Variants in EP400 observed in about 807,000 individuals in gnomAD.
The protein encoded by EP400 is E1A-binding protein p400.
A neutral mutation model predicts 354.1 loss-of-function variants in EP400; 105 were observed. That is an observed-to-expected ratio of 0.30 (90% CI 0.25 to 0.35). The LOEUF is 0.35. Among genes scored for constraint, EP400 ranks in the 10% least tolerant of loss-of-function variants. EP400 has a pLI of 1.00. For synonymous variants in EP400, 1,646 were observed against 1,716.9 expected, an observed-to-expected ratio of 0.96 and a Z score of 1.02; for missense variants, 3,280 against 4,121.0, an observed-to-expected ratio of 0.80 and a Z score of 5.59.
intron 45 of EP400, among the ~76,000 whole-genome samples, chr12:132,061,372 AAC>A (rs1895689014): frequency 6.6e-6 from 1 of 152,260 alleles, no homozygotes. Flanking sequence ...AACATGGAGT[AAC>A]ACGCTAGATT....
intron 12 of EP400, among the ~76,000 whole-genome samples, chr12:132,001,126 C>A (rs954334923): frequency 6.6e-6 from 1 of 152,054 alleles, no homozygotes; most frequent in Non-Finnish European, 1.5e-5. Context: ...AATAAAGACA[C>A]GAGACAAAGA....
intron 7 of EP400, among the ~76,000 whole-genome samples, chr12:131,988,245 G>A (rs1413042342): frequency 6.6e-6 from 1 of 152,186 alleles, no homozygotes; most frequent in Non-Finnish European, 1.5e-5. Context: ...TAACTGTGCT[G>A]TGTAATTAAG....
In EP400 at chr12:132,053,385, C is replaced by T; in HGVS notation, c.7516C>T (p.Gln2506Ter). ...QQKAQQPAVA[Q>*]PPPPQPQPPP... ...GAAGGCACAGCAGCCGGCCGTGGCC[C>T]AGCCACCCCCGCCCCAGCCGCAGCC... The change falls in exon 43 of 53, where the codon CAG becomes TAG. Residue 2506 changes from glutamine to a stop codon, truncating the protein, a stop_gained. Coordinates refer to ENST00000389561, the MANE Select transcript of EP400 (RefSeq NM_015409.5). LOFTEE classifies it high-confidence loss of function. 1 of 1,558,720 alleles carries T rather than the reference C, an allele frequency of 6.4e-7. No homozygotes were observed.
intron 45 of EP400, among the ~76,000 whole-genome samples, chr12:132,060,148 AC>A (rs1895644826): frequency 6.6e-6 from 1 of 152,202 alleles, no homozygotes; most frequent in African/African-American, 2.4e-5. Flanking sequence ...GATTACCAAA[AC>A]TGGGGGAAAC....
At chr12:131,973,312 T>A (rs56253415) in intron 2 of EP400, among the ~76,000 whole-genome samples, 19,095 of 152,152 alleles carry the variant, frequency 0.13, 1,638 homozygotes, top group African/African-American at 0.24. Flanking sequence ...TCACTTTGTG[T>A]TTAGCTAAAA....
At chr12:131,969,778 G>A (rs935965315) in intron 2 of EP400, among the ~76,000 whole-genome samples, 4 of 152,176 alleles carry the variant, frequency 2.6e-5, no homozygotes, top group Non-Finnish European at 4.4e-5. Flanking sequence ...GGTCGGGCAC[G>A]GTGGCTCACG....
In EP400 at chr12:131,982,313, A is replaced by G. The variant is rs553120468; in HGVS notation, c.1764A>G (p.Thr588=). ...AGCCGCAAGTGGTAGAGGCCCAGAC[A>G]CAGCTCCAAATCCCGGTGAAGACTC... ...AQQPQVVEAQ[T]QLQIPVKTQQ... is the part of the protein sequence containing the mutation. The change falls in exon 5 of 53, where the codon ACA becomes ACG. Residue 588 remains threonine, a synonymous_variant. Coordinates refer to ENST00000389561, the MANE Select transcript of EP400 (RefSeq NM_015409.5). 5 of 1,613,950 alleles carry G rather than the reference A, an allele frequency of 3.1e-6. No individual in the cohort carries two copies. The highest frequency in any genetic ancestry group is 1.7e-5 in the Admixed American group (1 of 60,008).
chr12:131,961,020 A>G lies in EP400; in HGVS notation c.401A>G (p.Gln134Arg), dbSNP rs1452677483. ...TSPLSQQVQT[Q>R]SPTQPSPGPG... is the part of the protein sequence containing the mutation. ...CCCTTGTCCCAGCAGGTCCAGACCC[A>G]GAGTCCCACGCAGCCCAGTCCGGGG... The change falls in exon 2 of 53, where the codon CAG becomes CGG. Residue 134 changes from glutamine to arginine, a missense_variant. Gln to Arg is a conservative substitution (Grantham distance 43). Coordinates refer to ENST00000389561, the MANE Select transcript of EP400 (RefSeq NM_015409.5). 6 of 1,599,426 alleles carry G rather than the reference A, an allele frequency of 3.8e-6. No individual in the cohort carries two copies. Among genetic ancestry groups the G allele is most frequent in the Non-Finnish European group, 5.1e-6 (6 of 1,173,356 alleles).
chr12:132,064,894 T>C lies in EP400; in HGVS notation c.8553+8T>C, dbSNP rs1259106813. 1.9e-6 allele frequency: 3 copies of C among 1,595,558 alleles called. No homozygotes were observed. The highest frequency in any genetic ancestry group is 1.7e-6 in the Non-Finnish European group (2 of 1,171,504). On this transcript the variant is annotated splice_region_variant and intron_variant, in intron 48 of 52. Transcript: ENST00000389561. ...CTCCAGGTGGCCCGGCTCGTAAGTGTCAGTTTCTGTTTGTTTTCCAAAAGC... is the reference window on the plus strand; with the variant it reads ...CTCCAGGTGGCCCGGCTCGTAAGTGCCAGTTTCTGTTTGTTTTCCAAAAGC...
Position 132,044,848 on chromosome 12 carries a change from G to T in EP400, c.6679G>T (p.Asp2227Tyr). The part of the protein sequence containing the change: ...PPQDDSDIYL[D>Y]SVMCLMYEAT... The stretch of plus-strand genomic sequence containing the variant: ...GCAGGACGACAGCGACATCTACCTC[G>T]ACTCGGTCATGTGTCTCATGTATGA... Residue 2227 changes from aspartate (D) to tyrosine (Y), a missense_variant, in exon 37 of 53, where the codon GAC becomes TAC. By Grantham distance (160) the Asp-to-Tyr change is radical. Transcript: ENST00000389561. The T allele has an allele frequency of 6.2e-7, 1 of 1,614,104 alleles. No homozygotes were observed. Among genetic ancestry groups the T allele is most frequent in the Non-Finnish European group, 8.5e-7 (1 of 1,180,028 alleles).
intron 15 of EP400, 95 bp from the exon 16 acceptor site, chr12:132,011,403 C>T (rs529042727): frequency 1.4e-6 from 2 of 1,479,556 alleles, no homozygotes; most frequent in South Asian, 2.6e-5. Context: ...GTGACACATA[C>T]TCATACTGAT....
chr12:132,024,679 G>A (rs1894238003), intron 24 of EP400, among the ~76,000 whole-genome samples: 1 of 150,408 alleles, frequency 6.6e-6, no homozygotes, highest in Admixed American at 6.6e-5. Context: ...AGCCCCCGCA[G>A]CCTCCTTCCC....
chr12:132,021,279 C>G lies in EP400; in HGVS notation c.4648C>G (p.Gln1550Glu). ...SHAAGQSALPQRLVLPSQAQA... is the reference protein window; with the variant it reads ...SHAAGQSALPERLVLPSQAQA... ...CGCGGCCGGGCAGAGCGCGCTGCCTCAGAGGCTGGTGCTCCCCTCGCAGGC... is the reference window on the plus strand; with the variant it reads ...CGCGGCCGGGCAGAGCGCGCTGCCTGAGAGGCTGGTGCTCCCCTCGCAGGC... The change falls in exon 23 of 53, where the codon CAG becomes GAG. Residue 1550 changes from glutamine (Q) to glutamate (E), a missense_variant. Around this residue, in one of 20 missense-constraint regions of EP400, gnomAD observed 342 missense variants for 342.7 expected, o/e 1.00. Coordinates refer to ENST00000389561, the MANE Select transcript of EP400 (RefSeq NM_015409.5). 6.5e-7 allele frequency: 1 copy of G among 1,529,936 alleles called. No homozygotes were observed. The highest frequency in any genetic ancestry group is 2.4e-5 in the East Asian group (1 of 40,948). 94.8% of individuals were successfully genotyped at this position (1,529,936 alleles called of 1,614,324 possible).
intron 2 of EP400, 39 bp downstream of exon 2, chr12:131,961,993 T>C: frequency 6.4e-7 from 1 of 1,570,690 alleles, no homozygotes; most frequent in Non-Finnish European, 8.6e-7. Context: ...ACAAATCTTC[T>C]AGATGATCAG....
rs1895333669 is a variant in EP400, at chr12:132,052,569, C to T, written c.7395-577C>T. On this transcript the variant is annotated intron_variant, in intron 41 of 52. Transcript: ENST00000389561. The surrounding 1 kb of genome is among the most constrained non-coding windows in gnomAD (Gnocchi z 4.4). ...AGCCAGTACGTCTTCAGACCCACTG[C>T]ACATTTTACCTGTTTGTCGTCTGAT... 1.3e-5 allele frequency among the ~76,000 whole-genome samples: 2 copies of T among 152,256 alleles called. No individual in the cohort carries two copies. Among genetic ancestry groups the T allele is most frequent in the South Asian group, 4.1e-4 (2 of 4,832 alleles).
intron 14 of EP400, 151 bp from the exon 15 acceptor site, chr12:132,006,549 A>G (rs932385591): frequency 1.0e-6 from 1 of 954,688 alleles, no homozygotes; most frequent in African/African-American, 1.7e-5. Context: ...TCGATCTCCA[A>G]AAGAAGCAAT....
intron 4 of EP400, 41 bp downstream of exon 4, chr12:131,981,637 GGCA>G: frequency 2.6e-6 from 4 of 1,534,042 alleles, no homozygotes; most frequent in Non-Finnish European, 3.5e-6. Flanking sequence ...CTCAGGAGCA[GGCA>G]GCACACTGCG....
In EP400 at chr12:132,032,157, C is replaced by T; in HGVS notation, c.5951+8C>T. On this transcript the variant is annotated splice_region_variant and intron_variant, in intron 30 of 52. Coordinates refer to ENST00000389561, the MANE Select transcript of EP400 (RefSeq NM_015409.5). ...AGACATCCACATATACAGGTGAGGG[C>T]CTGCGGGGGATAGGATCAGGAGATG... is the stretch of plus-strand genomic sequence containing the variant. 6.2e-7 allele frequency: 1 copy of T among 1,608,498 alleles called. No homozygotes were observed. The highest frequency in any genetic ancestry group is 8.5e-7 in the Non-Finnish European group (1 of 1,176,396).
rs1323222198 is a variant in EP400 at position 132,038,850 on chromosome 12, A to G, written c.6207+754A>G. On this transcript the variant is annotated intron_variant, in intron 32 of 52. Transcript: ENST00000389561. The surrounding 1 kb of genome is among the most constrained non-coding windows in gnomAD (Gnocchi z 4.2). The stretch of plus-strand genomic sequence containing the variant: ...TGTTCTCTGAGTCCCCTCCTCCTTC[A>G]TGTGGCCCTGCCACTCCTCCAGAAC... Among the ~76,000 whole-genome samples the G allele has an allele frequency of 1.3e-5, 2 of 152,050 alleles. No individual in the cohort carries two copies. The highest frequency in any genetic ancestry group is 4.8e-5 in the African/African-American group (2 of 41,396).
Sources: allele counts gnomAD v4.1 joint callset (sites outside exome capture counted in the v4.1 genomes callset), GRCh38; gene constraint gnomAD v4.1.1; regional missense constraint gnomAD v4.1.1; non-coding constraint Gnocchi (gnomAD v3.1); transcripts MANE v1.5; gene names NCBI Gene and HGNC (gene_info 2026-07-23, HGNC 2026-07-21).